The following FYN variants were observed in gnomAD, a reference collection of about 807,000 sequenced individuals.
FYN encodes the protein FYN proto-oncogene, Src family tyrosine kinase.
In FYN, 10 loss-of-function variants were observed where a neutral mutation model predicts 70.2. That is an observed-to-expected ratio of 0.14 (90% CI 0.09 to 0.24). FYN has a LOEUF of 0.24. Among genes scored for constraint, FYN ranks in the 10% least tolerant of loss-of-function variants. FYN has a pLI of 1.00. For missense variants in FYN, 319 were observed against 673.1 expected, an observed-to-expected ratio of 0.47 and a Z score of 5.82; for synonymous variants, 236 against 248.6, an observed-to-expected ratio of 0.95 and a Z score of 0.48.
chr6:111,806,642 T>A (rs1193109484), intron 2 of FYN, among the ~76,000 whole-genome samples: 2 of 152,196 alleles, frequency 1.3e-5, no homozygotes, highest in African/African-American at 4.8e-5. Context: ...CTGCTGAATG[T>A]CCCGGCCCAC....
rs759436970 is a variant in FYN, at chr6:111,674,566, C to T, written c.1338G>A (p.Lys446=). Residue 446 remains lysine (K), a synonymous_variant, in exon 13 of 14, where the codon AAG becomes AAA. Transcript: ENST00000354650. ...EAALYGRFTI[K]SDVWSFGILL... is the part of the protein sequence containing the mutation. ...AGATTCCAAAAGACCACACGTCAGACTTGATTGTGAACCTCCCGTACAGGG... is the reference window on the plus strand; with the variant it reads ...AGATTCCAAAAGACCACACGTCAGATTTGATTGTGAACCTCCCGTACAGGG... 6.2e-7 allele frequency: 1 copy of T among 1,614,086 alleles called. No individual in the cohort carries two copies. Among genetic ancestry groups the T allele is most frequent in the Non-Finnish European group, 8.5e-7 (1 of 1,179,968 alleles).
At chr6:111,784,912 C>T (rs935156552) in intron 2 of FYN, among the ~76,000 whole-genome samples, 1 of 152,154 alleles carries the variant, frequency 6.6e-6, no homozygotes, top group Non-Finnish European at 1.5e-5. Context: ...CCAAATAGAC[C>T]AGCTATTATA....
chr6:111,760,532 C>T (rs6914091), intron 3 of FYN, among the ~76,000 whole-genome samples: 70,457 of 152,020 alleles, frequency 0.46, 16,529 homozygotes, highest in East Asian at 0.62. Flanking sequence ...AAACCAGCTC[C>T]CCTGGCTGTG....
chr6:111,734,710 A>G (rs369024468), intron 3 of FYN, among the ~76,000 whole-genome samples: 186 of 152,202 alleles, frequency 1.2e-3, no homozygotes, highest in African/African-American at 4.4e-3. Flanking sequence ...CCCTACCCCA[A>G]ACAAAAGTTA....
intron 2 of FYN, among the ~76,000 whole-genome samples, chr6:111,817,251 A>G (rs918311277): frequency 1.3e-5 from 2 of 152,150 alleles, no homozygotes; most frequent in African/African-American, 2.4e-5. Flanking sequence ...TAGCAACCAC[A>G]TATTTTCTAT....
chr6:111,733,863 G>A (rs775381017), intron 3 of FYN, among the ~76,000 whole-genome samples: 9 of 152,188 alleles, frequency 5.9e-5, no homozygotes, highest in African/African-American at 1.9e-4. Context: ...TGAGGTGGGC[G>A]GAATACTTGA....
chr6:111,710,337 C>T (rs1023384387), intron 5 of FYN, among the ~76,000 whole-genome samples: 6 of 152,202 alleles, frequency 3.9e-5, no homozygotes, highest in African/African-American at 1.4e-4. Context: ...GGGACAAGCC[C>T]AGCCTTATTC....
chr6:111,721,093 C>T (rs752495251), intron 3 of FYN, among the ~76,000 whole-genome samples: 5 of 152,202 alleles, frequency 3.3e-5, no homozygotes, highest in Non-Finnish European at 2.9e-5. Flanking sequence ...TTTCCCCTTC[C>T]TCTTTGATAT....
intron 12 of FYN, among the ~76,000 whole-genome samples, chr6:111,683,463 G>A (rs1798858930): frequency 6.6e-6 from 1 of 152,144 alleles, no homozygotes; most frequent in African/African-American, 2.4e-5. Context: ...ATCCCCTCTG[G>A]CTAAAAAACT....
At chr6:111,857,194 C>A (rs935115900) in intron 1 of FYN, among the ~76,000 whole-genome samples, 1 of 152,168 alleles carries the variant, frequency 6.6e-6, no homozygotes, top group Non-Finnish European at 1.5e-5. Context: ...TTCTACTATT[C>A]ACCCTGTTAC....
intron 2 of FYN, among the ~76,000 whole-genome samples, chr6:111,824,551 A>G (rs1006473421): frequency 3.9e-5 from 6 of 152,076 alleles, no homozygotes; most frequent in African/African-American, 1.2e-4. Context: ...TCTATAGTAC[A>G]TTTTTCTCTC....
chr6:111,762,884 G>A (rs1381699514), intron 3 of FYN, among the ~76,000 whole-genome samples: 1 of 151,948 alleles, frequency 6.6e-6, no homozygotes, highest in Non-Finnish European at 1.5e-5. Flanking sequence ...CAAATGGCTG[G>A]ACACGGGTGA....
chr6:111,816,437 T>C (rs932345770), intron 2 of FYN, among the ~76,000 whole-genome samples: 5 of 152,152 alleles, frequency 3.3e-5, no homozygotes, highest in African/African-American at 1.2e-4. Flanking sequence ...AGACAACCTC[T>C]CACTGATTCT....
At chr6:111,819,964 A>C (rs1772606609) in intron 2 of FYN, 1 of 152,218 alleles carries the variant, frequency 6.6e-6, no homozygotes, top group Admixed American at 6.5e-5. Flanking sequence ...CCTGACAAAA[A>C]CAGCTTAAGA....
intron 3 of FYN, among the ~76,000 whole-genome samples, chr6:111,777,343 T>C (rs1410889998): frequency 6.6e-6 from 1 of 152,224 alleles, no homozygotes; most frequent in Non-Finnish European, 1.5e-5. Flanking sequence ...ATAAATCAAA[T>C]GTTAAGATAT....
chr6:111,795,944 T>C (rs1771790841), intron 2 of FYN, among the ~76,000 whole-genome samples: 2 of 152,246 alleles, frequency 1.3e-5, no homozygotes, highest in African/African-American at 4.8e-5. Context: ...AAACGATTTA[T>C]AAATAATAAT....
chr6:111,708,906 A>T (rs1800235648), intron 5 of FYN: 1 of 152,274 alleles, frequency 6.6e-6, no homozygotes. Flanking sequence ...TGAGTACATT[A>T]AGCAGTTCAA....
At chr6:111,749,048 C>G (rs1388325852) in intron 3 of FYN, among the ~76,000 whole-genome samples, 2 of 152,148 alleles carry the variant, frequency 1.3e-5, no homozygotes, top group African/African-American at 2.4e-5. Context: ...GCATTCTACC[C>G]TGACCTGCTG....
chr6:111,790,072 C>T (rs1472197555), intron 2 of FYN, among the ~76,000 whole-genome samples: 1 of 150,040 alleles, frequency 6.7e-6, no homozygotes, highest in East Asian at 1.9e-4. Context: ...AGTTTTTAAG[C>T]TATTCTTTAG....
Sources: allele counts gnomAD v4.1 joint callset (sites outside exome capture counted in the v4.1 genomes callset), GRCh38; gene constraint gnomAD v4.1.1; transcripts MANE v1.5; gene names NCBI Gene and HGNC (gene_info 2026-07-23, HGNC 2026-07-21).